ADAMTSL3: variants seen among roughly 807,000 people sequenced by gnomAD.
ADAMTSL3 encodes the protein ADAMTS like 3, also known as ADAMTS-like protein 3.
Under a neutral mutation model 201.7 loss-of-function variants are expected in ADAMTSL3, and 128 were observed. That is an observed-to-expected ratio of 0.63 (90% CI 0.55 to 0.73). ADAMTSL3 has a LOEUF of 0.73. Among genes scored for constraint, ADAMTSL3 ranks in the 30% least tolerant of loss-of-function variants. ADAMTSL3 has a pLI of 0.00. For synonymous variants in ADAMTSL3, 738 were observed against 748.4 expected (o/e 0.99, Z 0.23); for missense variants, 1,990 against 2,119.6 (o/e 0.94, Z 1.20).
rs776325908 is a variant in ADAMTSL3 at position 83,913,238 on chromosome 15, CCGAA to C, written c.1850_1853del (p.Glu617GlyfsTer17). 6.2e-7 allele frequency: 1 copy of C among 1,614,174 alleles called. No individual in the cohort carries two copies. The highest frequency in any genetic ancestry group is 1.1e-5 in the South Asian group (1 of 91,080). ...GAGTGTGAAGGCCCCAAGCTGCCCA[CCGAA>C]CGGCCCTGCCTCCTGGAAGCATGTG... On this transcript the variant is annotated frameshift_variant, in exon 16 of 30. Coordinates refer to ENST00000286744, the MANE Select transcript of ADAMTSL3 (RefSeq NM_207517.3). LOFTEE classifies it high-confidence loss of function.
intron 23 of ADAMTSL3, among the ~76,000 whole-genome samples, chr15:84,010,878 A>C (rs1287367483): frequency 2.6e-5 from 4 of 152,260 alleles, no homozygotes; most frequent in Non-Finnish European, 4.4e-5. Flanking sequence ...TCTGCACTCT[A>C]TGTTCCTCCT....
At chr15:83,726,392 C>G (rs949179945) in intron 3 of ADAMTSL3, among the ~76,000 whole-genome samples, 1 of 152,018 alleles carries the variant, frequency 6.6e-6, no homozygotes, top group Non-Finnish European at 1.5e-5. Flanking sequence ...TTATTTATTT[C>G]TCTGTCTGAT....
At position 83,892,771 on chromosome 15, in the gene ADAMTSL3, G is replaced by T. The variant is rs1281588857; in HGVS notation, c.1350G>T (p.Met450Ile). 1 of 1,614,118 alleles carries T rather than the reference G, an allele frequency of 6.2e-7. No homozygotes were observed. Among genetic ancestry groups the T allele is most frequent in the East Asian group, 2.2e-5 (1 of 44,876 alleles). The stretch of plus-strand genomic sequence containing the variant: ...GCTTTGTGTGTGTAGAGGAATCCAT[G>T]CATGGAGAGATATTGCAGGTGGAAG... The part of the protein sequence containing the change: ...RRSFVCVEES[M>I]HGEILQVEEW... Residue 450 changes from methionine (M) to isoleucine (I), a missense_variant, in exon 13 of 30, where the codon ATG (methionine) becomes ATT (isoleucine). By Grantham distance (10) the Met-to-Ile change is conservative. Coordinates refer to ENST00000286744, the MANE Select transcript of ADAMTSL3 (RefSeq NM_207517.3).
At chr15:83,942,431 C>T in intron 17 of ADAMTSL3, among the ~76,000 whole-genome samples, 165 bp from the exon 18 acceptor site, 1 of 152,158 alleles carries the variant, frequency 6.6e-6, no homozygotes, top group South Asian at 2.1e-4. Context: ...TACTATATTT[C>T]TGTGTTTTAA....
chr15:83,974,707 G>T (rs755857693), intron 20 of ADAMTSL3, among the ~76,000 whole-genome samples: 22 of 152,136 alleles, frequency 1.4e-4, no homozygotes, highest in South Asian at 4.1e-4. Context: ...TACCTATCTT[G>T]GTTTCCAATC....
intron 3 of ADAMTSL3, among the ~76,000 whole-genome samples, chr15:83,752,612 C>A (rs972505397): frequency 1.3e-5 from 2 of 152,074 alleles, no homozygotes; most frequent in Admixed American, 6.5e-5. Context: ...TTATAACTTT[C>A]TGTAATTATG....
In ADAMTSL3 at chr15:83,903,749, C is replaced by T. The variant is rs539776628; in HGVS notation, c.1700+4018C>T. 2.0e-5 allele frequency among the ~76,000 whole-genome samples: 3 copies of T among 151,288 alleles called. No homozygotes were observed. The South Asian group carries it at 6.3e-4, about 32-fold the overall frequency. ...GCTGGCCAACATGGTAAAACCCTGT[C>T]TCTACTAAAAATACAAAAATTAGCC... On this transcript the variant is annotated intron_variant, in intron 15 of 29. Coordinates refer to ENST00000286744, the MANE Select transcript of ADAMTSL3 (RefSeq NM_207517.3).
intron 4 of ADAMTSL3, among the ~76,000 whole-genome samples, chr15:83,792,206 A>C (rs1048564582): frequency 3.3e-5 from 5 of 152,228 alleles, no homozygotes; most frequent in African/African-American, 1.2e-4. Context: ...AAAGGACCCA[A>C]ATAGACATTT....
At chr15:83,737,542 A>T (rs903059937) in intron 3 of ADAMTSL3, among the ~76,000 whole-genome samples, 2 of 152,140 alleles carry the variant, frequency 1.3e-5, no homozygotes, top group Non-Finnish European at 2.9e-5. Flanking sequence ...TGCCATGCTT[A>T]TAAGTTTCCT....
chr15:83,974,574 G>A (rs529849349), intron 20 of ADAMTSL3, among the ~76,000 whole-genome samples: 1 of 152,192 alleles, frequency 6.6e-6, no homozygotes, highest in South Asian at 2.1e-4. Context: ...CAGCACCTCT[G>A]GATATTCTGT....
intron 3 of ADAMTSL3, among the ~76,000 whole-genome samples, chr15:83,733,776 G>T (rs1382625593): frequency 6.6e-6 from 1 of 152,102 alleles, no homozygotes; most frequent in African/African-American, 2.4e-5. Flanking sequence ...TCATAAAATA[G>T]GGGACATGAT....
intron 2 of ADAMTSL3, among the ~76,000 whole-genome samples, chr15:83,683,091 A>T (rs952230143): frequency 1.3e-5 from 2 of 152,196 alleles, no homozygotes; most frequent in African/African-American, 2.4e-5. Context: ...GGCTCAACAA[A>T]ACTGGTCATT....
chr15:83,759,344 G>A (rs964673256), intron 3 of ADAMTSL3, among the ~76,000 whole-genome samples: 6 of 151,770 alleles, frequency 4.0e-5, no homozygotes, highest in Admixed American at 3.9e-4. Flanking sequence ...TCCTGCCTCA[G>A]CCTCCCGAGT....
chr15:83,921,573 A>G (rs2066143624), intron 16 of ADAMTSL3, among the ~76,000 whole-genome samples: 1 of 152,256 alleles, frequency 6.6e-6, no homozygotes, highest in Admixed American at 6.5e-5. Context: ...TGCAAATGGC[A>G]GAAACCCAAC....
At chr15:83,952,400 T>C in intron 19 of ADAMTSL3, among the ~76,000 whole-genome samples, 1 of 152,302 alleles carries the variant, frequency 6.6e-6, no homozygotes, top group Non-Finnish European at 1.5e-5. Context: ...GAATAATCCA[T>C]GTGCTGAAGA....
intron 17 of ADAMTSL3, among the ~76,000 whole-genome samples, chr15:83,925,919 C>A (rs2066236807): frequency 6.6e-6 from 1 of 152,146 alleles, no homozygotes; most frequent in Admixed American, 6.5e-5. Flanking sequence ...GGGGAAAATA[C>A]AGGGAGGGGG....
Position 83,982,537 on chromosome 15 carries a change from A to G in ADAMTSL3, c.2909A>G (p.His970Arg), listed in dbSNP as rs1416490466. The change falls in exon 21 of 30, where the codon CAT (histidine) becomes CGT (arginine). Residue 970 changes from histidine to arginine, a missense_variant. Coordinates refer to ENST00000286744, the MANE Select transcript of ADAMTSL3 (RefSeq NM_207517.3). ...GITKSGSLKI[H>R]GLAAPDIGVY... ...ACCAAGTCAGGCTCACTAAAAATCC[A>G]TGGTCTTGCTGCCCCCGACATCGGC... 3.1e-6 allele frequency: 5 copies of G among 1,614,018 alleles called. No homozygotes were observed. Among genetic ancestry groups the G allele is most frequent in the African/African-American group, 2.7e-5 (2 of 74,908 alleles).
At chr15:84,013,333 T>C (rs2068035879) in intron 23 of ADAMTSL3, among the ~76,000 whole-genome samples, 1 of 152,242 alleles carries the variant, frequency 6.6e-6, no homozygotes, top group African/African-American at 2.4e-5. Context: ...TTTTGCCTAC[T>C]GTAAGGTGTG....
rs764325042 is a variant in ADAMTSL3 at position 83,988,762 on chromosome 15, G to A, written c.3788G>A (p.Cys1263Tyr). 2 of 1,608,738 alleles carry A rather than the reference G, an allele frequency of 1.2e-6. No individual in the cohort carries two copies. Among genetic ancestry groups the A allele is most frequent in the African/African-American group, 2.7e-5 (2 of 74,750 alleles). ...PTRKEQGIYE[C>Y]SVANHLGSDV... is the part of the protein sequence containing the mutation. ...AGGAAAGAACAAGGCATATATGAAT[G>A]TTCTGTAGCTAATCATCTTGGTTCA... Residue 1263 changes from cysteine to tyrosine, a missense_variant, in exon 22 of 30, where the codon TGT becomes TAT. By Grantham distance (194) the Cys-to-Tyr change is radical. Transcript: ENST00000286744.
Sources: allele counts gnomAD v4.1 joint callset (sites outside exome capture counted in the v4.1 genomes callset), GRCh38; gene constraint gnomAD v4.1.1; transcripts MANE v1.5; gene names NCBI Gene and HGNC (gene_info 2026-07-23, HGNC 2026-07-21).